Variants in INPP5D observed in about 807,000 individuals in gnomAD.
The protein encoded by INPP5D is phosphatidylinositol 3,4,5-trisphosphate 5-phosphatase 1.
In INPP5D, 33 loss-of-function variants were observed where a neutral mutation model predicts 122.9. The ratio of observed to expected loss-of-function variants is 0.27; its 90% CI spans 0.20 to 0.36. The LOEUF (loss-of-function observed/expected upper bound fraction) is 0.36, where lower values mean the gene tolerates loss of function less well. Among genes scored for constraint, INPP5D ranks in the 10% least tolerant of loss-of-function variants. INPP5D has a pLI of 1.00. For missense variants in INPP5D, 1,053 were observed against 1,412.7 expected, an observed-to-expected ratio of 0.75 and a Z score of 4.08; for synonymous variants, 584 against 576.2, an observed-to-expected ratio of 1.01 and a Z score of -0.19.
At chr2:233,077,041 G>A (rs548129708) in intron 1 of INPP5D, among the ~76,000 whole-genome samples, 34 of 152,122 alleles carry the variant, frequency 2.2e-4, no homozygotes, top group African/African-American at 6.0e-4. Context: ...ACTAATAAAC[G>A]TCAACACGTG....
intron 2 of INPP5D, among the ~76,000 whole-genome samples, chr2:233,086,173 C>CTTTCTT (rs1277821594): frequency 6.9e-6 from 1 of 145,406 alleles, no homozygotes; most frequent in Admixed American, 7.0e-5. Flanking sequence ...TTCTTTCTTT[C>CTTTCTT]TTTCTTTCTT....
chr2:233,080,163 C>A (rs367849184), intron 2 of INPP5D, among the ~76,000 whole-genome samples: 8 of 152,068 alleles, frequency 5.3e-5, no homozygotes, highest in African/African-American at 1.9e-4. Context: ...CTCCTGACAG[C>A]GAATGATCTG....
At chr2:233,138,097 A>G (rs1376284372) in intron 5 of INPP5D, among the ~76,000 whole-genome samples, 5 of 150,468 alleles carry the variant, frequency 3.3e-5, no homozygotes, top group African/African-American at 9.7e-5. Flanking sequence ...CACGCCTCTA[A>G]TCCCAGCACT....
intron 9 of INPP5D, among the ~76,000 whole-genome samples, chr2:233,154,352 C>T (rs1358500465): frequency 6.6e-6 from 1 of 152,122 alleles, no homozygotes; most frequent in Non-Finnish European, 1.5e-5. Context: ...TTTCACCATG[C>T]TGGCCAGGCT....
At chr2:233,110,425 C>T (rs2106242761) in intron 2 of INPP5D, among the ~76,000 whole-genome samples, 1 of 151,976 alleles carries the variant, frequency 6.6e-6, no homozygotes, top group Non-Finnish European at 1.5e-5. Context: ...GTCTCTAACT[C>T]CTGGGCTCGA....
intron 10 of INPP5D, 78 bp from the exon 11 acceptor site, chr2:233,161,646 G>A: frequency 2.0e-6 from 3 of 1,465,682 alleles, no homozygotes; most frequent in Non-Finnish European, 1.8e-6. Context: ...TTTTCTTGAA[G>A]CTGACCAAGT....
At chr2:233,139,702 CG>C in intron 5 of INPP5D, 139 bp from the exon 6 acceptor site, 1 of 390,454 alleles carries the variant, frequency 2.6e-6, no homozygotes, top group Non-Finnish European at 4.5e-6. Flanking sequence ...GATCTTTGCC[CG>C]GGCTTGTCCT....
In INPP5D at chr2:233,206,776, C is replaced by T. The variant is rs1040674774; in HGVS notation, c.*68C>T. The T allele has an allele frequency of 1.2e-5, 9 of 735,630 alleles. No homozygotes were observed. Among genetic ancestry groups the T allele is most frequent in the Non-Finnish European group, 2.3e-5 (9 of 395,092 alleles). 45.6% of individuals were successfully genotyped at this position (735,630 alleles called of 1,614,324 possible). A position where few individuals can be genotyped will look rare whatever the true frequency, so the allele number is the denominator to read the frequency against. The stretch of plus-strand genomic sequence containing the variant: ...GGCGTGAAGCCACTGGACCCTCTCC[C>T]GGGACCTCCTGCTGGCTCCTCCTGC... On this transcript the variant is annotated 3_prime_UTR_variant, in exon 27 of 27. Coordinates refer to ENST00000445964, the MANE Select transcript of INPP5D (RefSeq NM_001017915.3). This position sits in a 1 kb window ranked among gnomAD's most constrained non-coding sequence, Gnocchi z 4.0.
chr2:233,089,401 G>A (rs1388486274), intron 2 of INPP5D, among the ~76,000 whole-genome samples: 33 of 152,214 alleles, frequency 2.2e-4, no homozygotes, highest in Admixed American at 2.2e-3. Flanking sequence ...CTGTTTGCCT[G>A]TTTCATAAAA....
chr2:233,168,016 A>AAAAAAAAAAAAAAAAAG (rs1694392248), intron 13 of INPP5D, among the ~76,000 whole-genome samples: 1 of 122,718 alleles, frequency 8.1e-6, no homozygotes. Context: ...AAAAAAAAAA[A>AAAAAAAAAAAAAAAAAG]AAAAAAAAAG....
At chr2:233,068,875 T>G (rs1358320346) in intron 1 of INPP5D, among the ~76,000 whole-genome samples, 1 of 151,966 alleles carries the variant, frequency 6.6e-6, no homozygotes, top group African/African-American at 2.4e-5. Context: ...GCTGGGAGCC[T>G]GGAAGCCAGC....
intron 9 of INPP5D, among the ~76,000 whole-genome samples, chr2:233,153,208 C>T (rs906552246): frequency 5.3e-5 from 8 of 152,208 alleles, no homozygotes; most frequent in African/African-American, 1.9e-4. Context: ...GGCAACCGCA[C>T]AGTCCTGCGA....
chr2:233,185,711 AGAT>A, intron 20 of INPP5D, 129 bp from the exon 21 acceptor site: 1 of 1,071,742 alleles, frequency 9.3e-7, no homozygotes, highest in Non-Finnish European at 1.2e-6. Context: ...TGAGGCCCCG[AGAT>A]AAAAAAAAAA....
At position 233,064,864 on chromosome 2, in the gene INPP5D, AG is replaced by A. The variant is rs527576699; in HGVS notation, c.134+4253del. ...GCGGGTGGCTAAGTCTCCCTTTCGA[AG>A]CTTCAGTAAAATAGACACTGTTAAT... On this transcript the variant is annotated intron_variant, in intron 1 of 26. Transcript: ENST00000445964. 5.3e-3 allele frequency among the ~76,000 whole-genome samples: 800 copies of A among 152,296 alleles called. 5 individuals are homozygous for A. The highest frequency in any genetic ancestry group is 0.028 in the South Asian group (134 of 4,832).
intron 26 of INPP5D, 59 bp downstream of exon 26, chr2:233,204,776 G>A (rs1164672224): frequency 2.2e-6 from 3 of 1,391,306 alleles, no homozygotes; most frequent in East Asian, 2.7e-5. Flanking sequence ...GCGTGAGTGC[G>A]TATGTGTGTA....
At chr2:233,061,505 A>C (rs1159997838) in intron 1 of INPP5D, among the ~76,000 whole-genome samples, 1 of 151,922 alleles carries the variant, frequency 6.6e-6, no homozygotes, top group African/African-American at 2.4e-5. Flanking sequence ...GTCCACCTGA[A>C]CATCTCAAGT....
intron 2 of INPP5D, among the ~76,000 whole-genome samples, chr2:233,096,039 A>T (rs1358251637): frequency 3.3e-5 from 5 of 152,232 alleles, no homozygotes; most frequent in African/African-American, 1.2e-4. Context: ...TAATGGATGG[A>T]TACATAGATG....
At chr2:233,063,852 A>G (rs2106193398) in intron 1 of INPP5D, among the ~76,000 whole-genome samples, 1 of 152,382 alleles carries the variant, frequency 6.6e-6, no homozygotes, top group East Asian at 1.9e-4. Flanking sequence ...ATCCCCCGGC[A>G]GAGTTGGCCC....
At chr2:233,124,606 C>T (rs1447804737) in intron 3 of INPP5D, among the ~76,000 whole-genome samples, 1 of 152,188 alleles carries the variant, frequency 6.6e-6, no homozygotes. Flanking sequence ...GCCCTGGCTG[C>T]ACCTGAACAG....
Sources: allele counts gnomAD v4.1 joint callset (sites outside exome capture counted in the v4.1 genomes callset), GRCh38; gene constraint gnomAD v4.1.1; non-coding constraint Gnocchi (gnomAD v3.1); transcripts MANE v1.5; gene names NCBI Gene and HGNC (gene_info 2026-07-23, HGNC 2026-07-21).